VWF: variants seen among roughly 807,000 people sequenced by gnomAD.
The protein encoded by VWF is von Willebrand factor.
VWF carries 176 observed loss-of-function variants against 308.6 expected under a neutral mutation model. The ratio of observed to expected loss-of-function variants is 0.57; its 90% confidence interval spans 0.50 to 0.65. VWF has a LOEUF of 0.65. Ranked by LOEUF, VWF falls within the 30% of genes least tolerant of loss-of-function variation. The pLI, the probability that VWF is intolerant of heterozygous loss-of-function variation, is 0.00. For synonymous variants in VWF, 1,385 were observed against 1,443.4 expected (o/e 0.96, Z 0.92); for missense variants, 3,146 against 3,648.2 (o/e 0.86, Z 3.55).
intron 5 of VWF, among the ~76,000 whole-genome samples, chr12:6,105,531 C>A (rs532252186): frequency 1.8e-4 from 27 of 152,038 alleles, no homozygotes; most frequent in African/African-American, 6.0e-4. Flanking sequence ...CCACCACGCC[C>A]GGCCTTATAC....
intron 47 of VWF, among the ~76,000 whole-genome samples, chr12:5,958,555 G>A (rs1475950798): frequency 6.6e-6 from 1 of 152,126 alleles, no homozygotes; most frequent in African/African-American, 2.4e-5. Context: ...TAGGCATGGT[G>A]GTGCACAACT....
intron 20 of VWF, among the ~76,000 whole-genome samples, chr12:6,032,536 G>T (rs1419186935): frequency 6.6e-6 from 1 of 151,034 alleles, no homozygotes; most frequent in African/African-American, 2.4e-5. Context: ...TACTAGGGAG[G>T]CCGAGGCAGG....
chr12:6,055,754 A>G (rs1944570107), intron 15 of VWF, among the ~76,000 whole-genome samples: 1 of 123,198 alleles, frequency 8.1e-6, no homozygotes, highest in Admixed American at 9.1e-5. Context: ...ATATATATAT[A>G]TATGTATACA....
At chr12:6,012,733 A>G (rs1422461232) in intron 32 of VWF, among the ~76,000 whole-genome samples, 2 of 143,218 alleles carry the variant, frequency 1.4e-5, no homozygotes, top group African/African-American at 2.6e-5. Flanking sequence ...ATGGAGTCTC[A>G]CTCTGTTGCC....
chr12:6,124,309 A>G (rs1945463667), intron 1 of VWF, 112 bp downstream of exon 1: 1 of 152,342 alleles, frequency 6.6e-6, no homozygotes, highest in South Asian at 2.1e-4. Flanking sequence ...GCCCCTCCAA[A>G]CAAAGCCCTT....
At chr12:5,957,459 A>C (rs1281683282) in intron 47 of VWF, among the ~76,000 whole-genome samples, 1 of 152,160 alleles carries the variant, frequency 6.6e-6, no homozygotes, top group Non-Finnish European at 1.5e-5. Flanking sequence ...GTAGGAAGAA[A>C]ATTACACAAA....
intron 20 of VWF, among the ~76,000 whole-genome samples, chr12:6,033,369 A>AG (rs1391958231): frequency 6.6e-6 from 1 of 152,192 alleles, no homozygotes; most frequent in Non-Finnish European, 1.5e-5. Context: ...CACCGTTTGG[A>AG]GGGGGAGTCT....
chr12:6,089,049 T>C (rs1419653379), intron 6 of VWF, among the ~76,000 whole-genome samples: 1 of 152,104 alleles, frequency 6.6e-6, no homozygotes, highest in Non-Finnish European at 1.5e-5. Context: ...TCAAGGTCAG[T>C]GTGAACTCCC....
In VWF at chr12:5,957,110, T is replaced by A. The variant is rs117270245; in HGVS notation, c.7888-3516A>T. 4.5e-3 allele frequency among the ~76,000 whole-genome samples: 679 copies of A among 152,362 alleles called. 4 individuals are homozygous for A. The highest frequency in any genetic ancestry group is 8.1e-3 in the Non-Finnish European group (551 of 68,042). On this transcript the variant is annotated intron_variant, in intron 47 of 51. Transcript: ENST00000261405. ...CAAATGCTAATCATTGTGTTACAGT[T>A]GCCTACAGTATTCAGCACAGTAACA... is the stretch of plus-strand genomic sequence containing the variant.
At position 6,056,946 on chromosome 12, in the gene VWF, C is replaced by CGCGAGT; in HGVS notation, c.1855_1856insACTCGC (p.Gly618_Arg619insHisSer). Reference sequence around the variant, plus strand: ...GGCCAGGGCGCCGCACAGGCACTCGCGGCCGTCCGAGCAGGAGCACACGTC... The same window carrying CGCGAGT: ...GGCCAGGGCGCCGCACAGGCACTCGCGCGAGTGGCCGTCCGAGCAGGAGCACACGTC... On this transcript the variant is annotated inframe_insertion, in exon 15 of 52. Transcript: ENST00000261405. 6.5e-7 allele frequency: 1 copy of CGCGAGT among 1,537,108 alleles called. No individual in the cohort carries two copies. Among genetic ancestry groups the CGCGAGT allele is most frequent in the African/African-American group, 1.4e-5 (1 of 73,022 alleles).
chr12:6,078,364 C>T (rs995344317), intron 6 of VWF, among the ~76,000 whole-genome samples: 1 of 152,158 alleles, frequency 6.6e-6, no homozygotes, highest in South Asian at 2.1e-4. Flanking sequence ...GCAGAACTTC[C>T]CATCCTCACT....
Position 6,063,146 on chromosome 12 carries a change from A to C in VWF, c.1433-92T>G. On this transcript the variant is annotated intron_variant, in intron 12 of 51. Coordinates refer to ENST00000261405, the MANE Select transcript of VWF (RefSeq NM_000552.5). The surrounding 1 kb of genome is among the most constrained non-coding windows in gnomAD (Gnocchi z 4.9). ...ATTTGGGAGGAAATGGGGTGTCTCA[A>C]AAGGATGGTAGCACTGAAGAGCAAT... 9.6e-7 allele frequency: 1 copy of C among 1,037,860 alleles called. No homozygotes were observed. The highest frequency in any genetic ancestry group is 1.5e-6 in the Non-Finnish European group (1 of 684,486). The allele number at this position is 1,037,860 out of a possible 1,614,324, so 64.3% of individuals were successfully genotyped here. A position where few individuals can be genotyped will look rare whatever the true frequency, so the allele number is the denominator to read the frequency against.
intron 47 of VWF, 98 bp downstream of exon 47, chr12:5,967,388 T>C (rs547720280): frequency 2.0e-6 from 2 of 989,708 alleles, no homozygotes; most frequent in South Asian, 1.3e-5. Flanking sequence ...CAGAAAATAA[T>C]GAGAGATTTA....
intron 6 of VWF, among the ~76,000 whole-genome samples, chr12:6,082,429 G>T (rs575333610): frequency 1.8e-4 from 28 of 151,966 alleles, no homozygotes; most frequent in Non-Finnish European, 2.8e-4. Flanking sequence ...GAGTATACAG[G>T]GGCCCTGCGA....
At position 6,018,779 on chromosome 12, in the gene VWF, T is replaced by C. The variant is rs1944092894; in HGVS notation, c.4639A>G (p.Thr1547Ala). The C allele has an allele frequency of 1.2e-6, 2 of 1,613,440 alleles. No individual in the cohort carries two copies. The highest frequency in any genetic ancestry group is 2.2e-5 in the South Asian group (2 of 91,062). ...VTVLQYSYMVTVEYPFSEAQS... is the reference protein window; with the variant it reads ...VTVLQYSYMVAVEYPFSEAQS... ...GCCTCGCTGAAGGGGTACTCCACAGTCACCATGTAGGAGTACTGCAGCACC... is the reference window on the plus strand; with the variant it reads ...GCCTCGCTGAAGGGGTACTCCACAGCCACCATGTAGGAGTACTGCAGCACC... The change falls in exon 28 of 52, where the codon ACT (threonine) becomes GCT (alanine). Residue 1547 changes from threonine to alanine, a missense_variant. Thr to Ala is a moderately conservative substitution (Grantham distance 58). Transcript: ENST00000261405.
intron 3 of VWF, among the ~76,000 whole-genome samples, chr12:6,119,827 C>T (rs1450668621): frequency 6.6e-6 from 1 of 152,164 alleles, no homozygotes; most frequent in Admixed American, 6.5e-5. Context: ...GCCTGGGCAA[C>T]AGAGCAAGAC....
At chr12:6,097,621 C>A (rs1007631434) in intron 5 of VWF, among the ~76,000 whole-genome samples, 8 of 152,132 alleles carry the variant, frequency 5.3e-5, no homozygotes, top group Admixed American at 5.2e-4. Flanking sequence ...CCGAGAGCTT[C>A]TGGAGGGAGT....
chr12:5,968,268 C>T (rs1943428285), intron 45 of VWF, 101 bp from the exon 46 acceptor site: 2 of 1,456,172 alleles, frequency 1.4e-6, no homozygotes, highest in Non-Finnish European at 1.9e-6. Flanking sequence ...GTGTCTGGGC[C>T]TCCCTCCTGT....
intron 10 of VWF, 61 bp downstream of exon 10, chr12:6,071,236 G>A: frequency 6.3e-7 from 1 of 1,593,154 alleles, no homozygotes; most frequent in South Asian, 1.1e-5. Flanking sequence ...TCTGGTAAGA[G>A]AGGAGGAGAC....
Sources: allele counts gnomAD v4.1 joint callset (sites outside exome capture counted in the v4.1 genomes callset), GRCh38; gene constraint gnomAD v4.1.1; non-coding constraint Gnocchi (gnomAD v3.1); transcripts MANE v1.5; gene names NCBI Gene and HGNC (gene_info 2026-07-23, HGNC 2026-07-21).